Variants in IFT52 observed in about 807,000 individuals in gnomAD.
IFT52 encodes intraflagellar transport 52.
In IFT52, 44 loss-of-function variants were observed where a neutral mutation model predicts 54.4. The observed-to-expected ratio is 0.81, with a 90% CI of 0.63 to 1.04. IFT52 has a LOEUF of 1.04. Among genes scored for constraint, IFT52 ranks in the 50% least tolerant of loss-of-function variants. IFT52 has a pLI of 0.00. For missense variants in IFT52, 452 were observed against 523.6 expected, an observed-to-expected ratio of 0.86 and a Z score of 1.33; for synonymous variants, 181 against 185.3, an observed-to-expected ratio of 0.98 and a Z score of 0.19.
chr20:43,605,192 A>G (rs1056401328), intron 6 of IFT52, 119 bp downstream of exon 6: 2 of 1,485,100 alleles, frequency 1.3e-6, no homozygotes, highest in African/African-American at 2.8e-5. Context: ...ACAGTTCAAG[A>G]GGAAAAAAGT....
chr20:43,631,349 T>G (rs1985156962), intron 10 of IFT52, among the ~76,000 whole-genome samples: 2 of 151,874 alleles, frequency 1.3e-5, no homozygotes, highest in African/African-American at 4.8e-5. Context: ...GGAGATCTGC[T>G]GCTCAGTGCT....
chr20:43,622,734 T>TACATATTTTTATGTAAATATAAATATAC (rs1476611176), intron 9 of IFT52, among the ~76,000 whole-genome samples: 1 of 142,440 alleles, frequency 7.0e-6, no homozygotes, highest in East Asian at 2.0e-4. Context: ...TATAAATATA[T>TACATATTTTTATGTAAATATAAATATAC]ACATATTTTT....
At chr20:43,616,626 T>C (rs1983881367) in intron 7 of IFT52, among the ~76,000 whole-genome samples, 1 of 152,130 alleles carries the variant, frequency 6.6e-6, no homozygotes, top group South Asian at 2.1e-4. Flanking sequence ...TCCAAGACTC[T>C]AAGACAGCCC....
chr20:43,634,000 C>T (rs1985355719), intron 10 of IFT52, among the ~76,000 whole-genome samples: 2 of 151,970 alleles, frequency 1.3e-5, no homozygotes, highest in South Asian at 4.2e-4. Flanking sequence ...CTTGTCCCTA[C>T]TAAAATTTTT....
intron 7 of IFT52, among the ~76,000 whole-genome samples, chr20:43,616,783 G>A (rs1410416339): frequency 6.6e-6 from 1 of 152,128 alleles, no homozygotes; most frequent in African/African-American, 2.4e-5. Flanking sequence ...CACTTTGGGA[G>A]GTTAAGGAGG....
chr20:43,596,545 GGAATATGGT>G, intron 3 of IFT52, 23 bp downstream of exon 3: 1 of 1,454,542 alleles, frequency 6.9e-7, no homozygotes, highest in South Asian at 1.2e-5. Context: ...CACTAAAGAA[GGAATATGGT>G]GAAATGATTA....
At position 43,643,871 on chromosome 20, in the gene IFT52, C is replaced by T. The variant is rs189435325; in HGVS notation, c.1266+1247C>T. On this transcript the variant is annotated intron_variant, in intron 13 of 13. Transcript: ENST00000373030. ...AATCCCAGCAATTGGGAGCCCAAGG[C>T]GGGCAGATCACAAAGTCAAGAGATT... 3.5e-3 allele frequency among the ~76,000 whole-genome samples: 204 copies of T among 58,188 alleles called. 80 individuals carry two copies. The highest frequency in any genetic ancestry group is 8.3e-3 in the African/African-American group (168 of 20,172). The allele number at this position is 58,188 out of a possible 152,430, so 38.2% of individuals were successfully genotyped here.
intron 8 of IFT52, 58 bp downstream of exon 8, chr20:43,619,084 A>G: frequency 8.3e-7 from 1 of 1,208,260 alleles, no homozygotes. Context: ...ATGTCATTTA[A>G]AAAAATACTG....
intron 12 of IFT52, among the ~76,000 whole-genome samples, chr20:43,638,037 G>A (rs1985662040): frequency 6.6e-6 from 1 of 152,170 alleles, no homozygotes; most frequent in South Asian, 2.1e-4. Flanking sequence ...GCTCCACGGT[G>A]AGTGGTCCTC....
Position 43,594,706 on chromosome 20 carries a change from AAG to A in IFT52, c.11_12del (p.Glu4AlafsTer31), listed in dbSNP as rs1230175204. 1.6e-5 allele frequency: 26 copies of A among 1,583,850 alleles called. No homozygotes were observed. The highest frequency in any genetic ancestry group is 2.2e-5 in the Non-Finnish European group (25 of 1,152,812). ...TTCTTCCATAAGGTAACCATGGAGA[AAG>A]AGCTGCGGAGCACCATTCTTTTCAA... On this transcript the variant is annotated frameshift_variant, in exon 2 of 14. Transcript: ENST00000373030. LOFTEE classifies it high-confidence loss of function.
chr20:43,594,573 G>C, intron 1 of IFT52, 120 bp from the exon 2 acceptor site: 1 of 628,180 alleles, frequency 1.6e-6, no homozygotes, highest in Non-Finnish European at 2.8e-6. Context: ...GAGTTTCCTA[G>C]ATAGGTTTCA....
At chr20:43,610,994 T>C (rs931886516) in intron 6 of IFT52, among the ~76,000 whole-genome samples, 2 of 152,214 alleles carry the variant, frequency 1.3e-5, no homozygotes, top group African/African-American at 4.8e-5. Flanking sequence ...TTTGTGAAAG[T>C]GCTTTGTAAA....
Position 43,647,282 on chromosome 20 carries a change from G to A in IFT52, c.*299G>A, listed in dbSNP as rs1252117308. The stretch of plus-strand genomic sequence containing the variant: ...TTCTGGATTTGAGTCTTTTATCAAA[G>A]ACATAATTAACTCTCAAGCTTGTTG... On this transcript the variant is annotated 3_prime_UTR_variant, in exon 14 of 14. Transcript: ENST00000373030. 4 of 406,760 alleles carry A rather than the reference G, an allele frequency of 9.8e-6. No individual in the cohort carries two copies. Among genetic ancestry groups the A allele is most frequent in the African/African-American group, 8.1e-5 (4 of 49,266 alleles). 25.2% of individuals were successfully genotyped at this position (406,760 alleles called of 1,614,324 possible).
At chr20:43,622,664 G>A (rs1186852856) in intron 9 of IFT52, among the ~76,000 whole-genome samples, 1 of 144,728 alleles carries the variant, frequency 6.9e-6, no homozygotes, top group Admixed American at 7.0e-5. Flanking sequence ...TATTTTATAT[G>A]TAAATATAAA....
intron 3 of IFT52, among the ~76,000 whole-genome samples, chr20:43,602,297 G>A (rs1476849873): frequency 2.0e-5 from 3 of 151,022 alleles, no homozygotes; most frequent in East Asian, 1.9e-4. Context: ...CCCGAGTAGC[G>A]GGGATTACAG....
chr20:43,603,953 C>T (rs1982655386), intron 4 of IFT52, 64 bp downstream of exon 4: 1 of 1,194,382 alleles, frequency 8.4e-7, no homozygotes, highest in Admixed American at 2.2e-5. Context: ...ATATCATAGC[C>T]CTCTAGGTCC....
chr20:43,604,155 T>C, intron 4 of IFT52, 28 bp from the exon 5 acceptor site: 1 of 1,538,776 alleles, frequency 6.5e-7, no homozygotes, highest in Non-Finnish European at 9.0e-7. Context: ...TAACCTAAAA[T>C]ATACCTCCTT....
intron 8 of IFT52, 140 bp downstream of exon 8, chr20:43,619,166 C>G: frequency 1.6e-6 from 1 of 634,818 alleles, no homozygotes; most frequent in East Asian, 2.8e-5. Context: ...AATACAAAGT[C>G]GAGTCAGGCA....
intron 2 of IFT52, among the ~76,000 whole-genome samples, 186 bp downstream of exon 2, chr20:43,595,003 CG>C (rs1981823162): frequency 3.3e-5 from 5 of 151,810 alleles, no homozygotes; most frequent in African/African-American, 1.2e-4. Flanking sequence ...GAGGCTGAGG[CG>C]GGCGGATCAC....
Sources: gnomAD v4.1 joint callset for allele counts (sites outside exome capture counted in the v4.1 genomes callset) on GRCh38, gnomAD v4.1.1 for gene constraint, MANE v1.5 for transcripts, NCBI Gene and HGNC (gene_info 2026-07-23, HGNC 2026-07-21) for gene names.